The following CTNNA3 variants were observed in gnomAD, a reference collection of about 807,000 sequenced individuals.
The protein encoded by CTNNA3 is catenin alpha-3.
A neutral mutation model predicts 95.7 loss-of-function variants in CTNNA3; 76 were observed. That is an observed-to-expected ratio of 0.79 (90% CI 0.66 to 0.96). The LOEUF is 0.96. CTNNA3 is among the 40% of genes least tolerant of loss of function. The pLI, the probability that CTNNA3 is intolerant of heterozygous loss-of-function variation, is 0.00. For synonymous variants in CTNNA3, 431 were observed against 374.4 expected (o/e 1.15, Z -1.74); for missense variants, 1,191 against 1,089.8 (o/e 1.09, Z -1.31).
At chr10:67,361,035 G>C (rs1365464379) in intron 5 of CTNNA3, among the ~76,000 whole-genome samples, 1 of 151,444 alleles carries the variant, frequency 6.6e-6, no homozygotes, top group East Asian at 1.9e-4. Context: ...AACAAAGAAG[G>C]GTATTACATA....
chr10:67,479,122 T>C, intron 5 of CTNNA3, among the ~76,000 whole-genome samples: 1 of 152,164 alleles, frequency 6.6e-6, no homozygotes, highest in East Asian at 1.9e-4. Context: ...CTTCTAGACC[T>C]ACCAAAAGAC....
At chr10:66,199,805 A>ATATGTATATATATATATTTT (rs1564756586) in intron 13 of CTNNA3, among the ~76,000 whole-genome samples, 16 of 14,292 alleles carry the variant, frequency 1.1e-3, no homozygotes, top group South Asian at 3.2e-3. Flanking sequence ...ATATATATAT[A>ATATGTATATATATATATTTT]TTTTTTTTTT....
chr10:66,185,829 A>G (rs1159255364), intron 13 of CTNNA3, among the ~76,000 whole-genome samples: 1 of 152,006 alleles, frequency 6.6e-6, no homozygotes, highest in African/African-American at 2.4e-5. Context: ...AAAATGTCTT[A>G]TCTAATATTT....
intron 1 of CTNNA3, among the ~76,000 whole-genome samples, chr10:67,707,804 T>A (rs775517199): frequency 6.6e-6 from 1 of 152,194 alleles, no homozygotes; most frequent in Non-Finnish European, 1.5e-5. Context: ...AAATGAAAGA[T>A]GTCAGCTTCA....
chr10:67,479,059 T>A (rs890625242), intron 5 of CTNNA3, among the ~76,000 whole-genome samples: 1 of 152,042 alleles, frequency 6.6e-6, no homozygotes, highest in South Asian at 2.1e-4. Flanking sequence ...GACTTAAATA[T>A]CCTAAATATA....
chr10:67,246,957 T>C (rs1193654442), intron 5 of CTNNA3, among the ~76,000 whole-genome samples: 1 of 152,200 alleles, frequency 6.6e-6, no homozygotes, highest in East Asian at 1.9e-4. Context: ...TCATTTTTAT[T>C]CACTATTTGA....
chr10:65,928,371 A>G (rs1367477576), intron 17 of CTNNA3, among the ~76,000 whole-genome samples: 1 of 152,144 alleles, frequency 6.6e-6, no homozygotes, highest in South Asian at 2.1e-4. Flanking sequence ...TGACGCTAAC[A>G]TCACTTTCTC....
At chr10:66,004,427 G>T (rs76471902) in intron 15 of CTNNA3, among the ~76,000 whole-genome samples, 2,267 of 152,116 alleles carry the variant, frequency 0.015, 61 homozygotes, top group African/African-American at 0.052. Flanking sequence ...AAAAGAGATA[G>T]ATCTAAGGGG....
intron 14 of CTNNA3, among the ~76,000 whole-genome samples, chr10:66,100,206 G>A (rs1329581535): frequency 1.3e-5 from 2 of 151,954 alleles, no homozygotes; most frequent in Non-Finnish European, 2.9e-5. Context: ...ATCCTACTGG[G>A]GACCCTTTCA....
intron 10 of CTNNA3, among the ~76,000 whole-genome samples, chr10:66,529,009 A>G (rs898905576): frequency 6.6e-6 from 1 of 152,128 alleles, no homozygotes; most frequent in African/African-American, 2.4e-5. Context: ...GCATTTTAAA[A>G]TTAGTATCTA....
chr10:66,398,807 T>G (rs1408597211), intron 11 of CTNNA3, among the ~76,000 whole-genome samples: 1 of 151,994 alleles, frequency 6.6e-6, no homozygotes, highest in Admixed American at 6.6e-5. Flanking sequence ...TTATTCTCCT[T>G]TTAGTTCTAA....
chr10:67,462,143 C>G (rs1415849103), intron 5 of CTNNA3, among the ~76,000 whole-genome samples: 1 of 152,134 alleles, frequency 6.6e-6, no homozygotes, highest in African/African-American at 2.4e-5. Context: ...TTCCACTGCC[C>G]CAGCCATTCT....
chr10:67,407,512 A>T (rs566748901), intron 5 of CTNNA3, among the ~76,000 whole-genome samples: 1 of 152,312 alleles, frequency 6.6e-6, no homozygotes, highest in South Asian at 2.1e-4. Flanking sequence ...GCACAAGACA[A>T]GGATGCCCTC....
At chr10:67,329,841 G>C (rs1489129857) in intron 5 of CTNNA3, among the ~76,000 whole-genome samples, 2 of 152,146 alleles carry the variant, frequency 1.3e-5, no homozygotes, top group African/African-American at 4.8e-5. Flanking sequence ...AAAAAGTCTG[G>C]AGGTAAAGTG....
intron 11 of CTNNA3, among the ~76,000 whole-genome samples, chr10:66,509,658 T>C (rs1454500301): frequency 2.0e-5 from 3 of 152,018 alleles, no homozygotes; most frequent in Non-Finnish European, 4.4e-5. Context: ...GACATCTTTG[T>C]TGAAAATGAG....
At chr10:67,724,631 A>C (rs1439990608) in intron 1 of CTNNA3, among the ~76,000 whole-genome samples, 1 of 152,208 alleles carries the variant, frequency 6.6e-6, no homozygotes, top group Non-Finnish European at 1.5e-5. Context: ...CAATGGGGGC[A>C]AGGAGCTGAT....
intron 15 of CTNNA3, among the ~76,000 whole-genome samples, chr10:66,033,825 A>G (rs2079500525): frequency 6.6e-6 from 1 of 152,184 alleles, no homozygotes; most frequent in African/African-American, 2.4e-5. Flanking sequence ...AGAGATATGT[A>G]TTAGGAATCA....
At chr10:66,076,210 G>T (rs1045044607) in intron 14 of CTNNA3, among the ~76,000 whole-genome samples, 17 of 151,510 alleles carry the variant, frequency 1.1e-4, no homozygotes, top group Admixed American at 6.6e-5. Context: ...CTTAAAATAA[G>T]CCTAGAGGCA....
chr10:66,255,738 G>A (rs1036265780), intron 13 of CTNNA3, among the ~76,000 whole-genome samples: 1 of 152,132 alleles, frequency 6.6e-6, no homozygotes, highest in African/African-American at 2.4e-5. Flanking sequence ...TGTTTTCCTT[G>A]TCCATAAGGT....
Sources: gnomAD v4.1 joint callset for allele counts (sites outside exome capture counted in the v4.1 genomes callset) on GRCh38, gnomAD v4.1.1 for gene constraint, MANE v1.5 for transcripts, NCBI Gene and HGNC (gene_info 2026-07-23, HGNC 2026-07-21) for gene names.